Variants in DNAI7 observed in about 807,000 individuals in gnomAD.
DNAI7 encodes cancer susceptibility 1.
A neutral mutation model predicts 86.6 loss-of-function variants in DNAI7; 78 were observed. The observed-to-expected ratio is 0.90, with a 90% confidence interval of 0.75 to 1.09. DNAI7 has a LOEUF of 1.09. DNAI7 is among the 50% of genes least tolerant of loss of function. The pLI is 0.00. For missense variants in DNAI7, 753 were observed against 810.2 expected (o/e 0.93, Z 0.86); for synonymous variants, 274 against 273.0 (o/e 1.00, Z -0.04).
chr12:25,155,320 C>T lies in DNAI7; in HGVS notation c.291G>A (p.Leu97=). The change falls in exon 5 of 16, where the codon TTG becomes TTA. Residue 97 remains leucine (L), a synonymous_variant. Transcript: ENST00000395987. The stretch of plus-strand genomic sequence containing the variant: ...GAGAAATCAGTCCTACCTGAGAAAG[C>T]AATTTAGTTTCCTGTTTCAATTTCT... ...EAEKLKQETK[L]LSQWKHYIQC... 1 of 1,584,472 alleles carries T rather than the reference C, an allele frequency of 6.3e-7. No individual in the cohort carries two copies. Among genetic ancestry groups the T allele is most frequent in the Non-Finnish European group, 8.6e-7 (1 of 1,156,266 alleles).
At chr12:25,191,169 C>T (rs536505632) in intron 1 of DNAI7, among the ~76,000 whole-genome samples, 3 of 152,230 alleles carry the variant, frequency 2.0e-5, no homozygotes, top group East Asian at 3.9e-4. Context: ...TAATAGCATT[C>T]GCGGAGGCCA....
At chr12:25,124,061 T>TGTGC (rs1045679130) in intron 9 of DNAI7, among the ~76,000 whole-genome samples, 1 of 151,404 alleles carries the variant, frequency 6.6e-6, no homozygotes, top group African/African-American at 2.4e-5. Context: ...TGTGTGTGTG[T>TGTGC]GCTAATACTT....
At chr12:25,163,046 C>T (rs928422106) in intron 2 of DNAI7, among the ~76,000 whole-genome samples, 15 of 152,304 alleles carry the variant, frequency 9.8e-5, no homozygotes, top group South Asian at 2.1e-4. Context: ...ACCCCAAATA[C>T]GGTGAGTGCC....
chr12:25,177,629 C>G (rs1476520149), intron 2 of DNAI7, among the ~76,000 whole-genome samples: 2 of 152,064 alleles, frequency 1.3e-5, no homozygotes, highest in Admixed American at 6.6e-5. Context: ...ATATATCTAT[C>G]CTGGTGTCCG....
chr12:25,164,679 T>G (rs1395724240), intron 2 of DNAI7, among the ~76,000 whole-genome samples: 1 of 152,076 alleles, frequency 6.6e-6, no homozygotes. Context: ...CCCTCCCTAG[T>G]CTCTGTTCCC....
intron 6 of DNAI7, among the ~76,000 whole-genome samples, chr12:25,150,431 C>T (rs1305623283): frequency 6.6e-6 from 1 of 151,800 alleles, no homozygotes; most frequent in Non-Finnish European, 1.5e-5. Flanking sequence ...AGTGAAACCC[C>T]ATCTCTACTA....
At chr12:25,141,942 C>T (rs1944247897) in intron 9 of DNAI7, among the ~76,000 whole-genome samples, 1 of 152,142 alleles carries the variant, frequency 6.6e-6, no homozygotes, top group Non-Finnish European at 1.5e-5. Context: ...TAAACTAACA[C>T]ATTCCTGAAA....
intron 2 of DNAI7, among the ~76,000 whole-genome samples, chr12:25,169,993 G>A (rs1947954728): frequency 6.6e-6 from 1 of 152,138 alleles, no homozygotes; most frequent in African/African-American, 2.4e-5. Flanking sequence ...TCATGCAAAT[G>A]GATACCAAAA....
rs1375162500 is a variant in DNAI7 at position 25,154,439 on chromosome 12, T to C, written c.318A>G (p.Gln106=). 7 of 1,609,676 alleles carry C rather than the reference T, an allele frequency of 4.3e-6. No individual in the cohort carries two copies. The highest frequency in any genetic ancestry group is 2.2e-5 in the East Asian group (1 of 44,694). ...KLLSQWKHYI[Q]CDGSPDPSVA... is the part of the protein sequence containing the mutation. ...CTGAAGGATCAGGACTCCCATCACA[T>C]TGAATGTAGTGCTTCCACTGTGGAA... Residue 106 remains glutamine (Q), a synonymous_variant, in exon 6 of 16, where the codon CAA becomes CAG. Transcript: ENST00000395987.
At chr12:25,180,584 A>C (rs999565486) in intron 2 of DNAI7, among the ~76,000 whole-genome samples, 1 of 152,166 alleles carries the variant, frequency 6.6e-6, no homozygotes, top group Non-Finnish European at 1.5e-5. Flanking sequence ...TTGGTATAAA[A>C]ATAGATCAAT....
At chr12:25,126,407 T>C (rs1942138040) in intron 9 of DNAI7, among the ~76,000 whole-genome samples, 1 of 152,014 alleles carries the variant, frequency 6.6e-6, no homozygotes, top group Admixed American at 6.6e-5. Context: ...GGCTGCTCAG[T>C]GAAGTGCTAG....
intron 7 of DNAI7, among the ~76,000 whole-genome samples, chr12:25,147,416 C>T (rs890044974): frequency 6.6e-6 from 1 of 151,884 alleles, no homozygotes; most frequent in Admixed American, 6.6e-5. Context: ...CTTTGGTAGG[C>T]CAAGTCGTAA....
chr12:25,120,703 C>A (rs1370103654), intron 11 of DNAI7, among the ~76,000 whole-genome samples: 3 of 151,570 alleles, frequency 2.0e-5, no homozygotes, highest in South Asian at 2.1e-4. Context: ...CCAGCCTGGG[C>A]GAAAGAGCGA....
rs34714093 is a variant in DNAI7 at position 25,158,581 on chromosome 12, ATTT to A, written c.107-21_107-19del. ...GGCTTCCTCTAAAGAACCAAAAATAATTTTTTTCTCAGTGAATAGATCACTGTA... is the reference window on the plus strand; with the variant it reads ...GGCTTCCTCTAAAGAACCAAAAATAATTTTCTCAGTGAATAGATCACTGTA... On this transcript the variant is annotated intron_variant, in intron 3 of 15. Transcript: ENST00000395987. The A allele has an allele frequency of 6.2e-7, 1 of 1,603,408 alleles. No individual in the cohort carries two copies. Among genetic ancestry groups the A allele is most frequent in the Non-Finnish European group, 8.5e-7 (1 of 1,174,670 alleles).
At chr12:25,119,960 G>A (rs147970161) in intron 11 of DNAI7, among the ~76,000 whole-genome samples, 685 of 152,222 alleles carry the variant, frequency 4.5e-3, no homozygotes, top group Non-Finnish European at 7.3e-3. Context: ...AATGAGGAAA[G>A]CCTCTTTGTT....
At chr12:25,170,335 G>A (rs1008013489) in intron 2 of DNAI7, among the ~76,000 whole-genome samples, 5 of 151,504 alleles carry the variant, frequency 3.3e-5, no homozygotes, top group African/African-American at 1.2e-4. Flanking sequence ...AGGTTGCAGT[G>A]AGCCGAGATT....
rs116991240 is a variant in DNAI7 at position 25,147,522 on chromosome 12, A to G, written c.586-418T>C. Among the ~76,000 whole-genome samples, 164 of 151,844 alleles carry G rather than the reference A, an allele frequency of 1.1e-3. 2 individuals carry two copies. The East Asian group carries it at 0.03, about 28-fold the overall frequency. ...AATTAGCTGGGTGTGGTGGTGTGCA[A>G]CTGTAGTCCCAGCTACCTGGCAGCT... On this transcript the variant is annotated intron_variant, in intron 7 of 15. Transcript: ENST00000395987.
chr12:25,190,488 C>T (rs1950419635), intron 2 of DNAI7, 126 bp downstream of exon 2: 1 of 405,538 alleles, frequency 2.5e-6, no homozygotes, highest in Non-Finnish European at 4.5e-6. Flanking sequence ...GCATTAATGT[C>T]TAAAAAGTAA....
intron 2 of DNAI7, among the ~76,000 whole-genome samples, chr12:25,187,104 A>G (rs139561571): frequency 2.0e-3 from 299 of 152,302 alleles, no homozygotes; most frequent in African/African-American, 6.5e-3. Flanking sequence ...CACACTCACA[A>G]TAAAACCCAA....
Sources: gnomAD v4.1 joint callset for allele counts (sites outside exome capture counted in the v4.1 genomes callset) on GRCh38, gnomAD v4.1.1 for gene constraint, MANE v1.5 for transcripts, NCBI Gene and HGNC (gene_info 2026-07-23, HGNC 2026-07-21) for gene names.